The following ASXL3 variants were observed in gnomAD, a reference collection of about 807,000 sequenced individuals.
The protein encoded by ASXL3 is putative Polycomb group protein ASXL3.
Under a neutral mutation model 170.6 loss-of-function variants are expected in ASXL3, and 34 were observed. The ratio of observed to expected loss-of-function variants is 0.20; its 90% confidence interval spans 0.15 to 0.27. ASXL3 has a LOEUF of 0.27. Among genes scored for constraint, ASXL3 ranks in the 10% least tolerant of loss-of-function variants. ASXL3 has a pLI of 1.00. For missense variants in ASXL3, 2,592 were observed against 2,695.3 expected (o/e 0.96, Z 0.85); for synonymous variants, 1,002 against 989.1 (o/e 1.01, Z -0.24).
intron 5 of ASXL3, among the ~76,000 whole-genome samples, chr18:33,667,330 A>G (rs1210509016): frequency 1.3e-5 from 2 of 152,144 alleles, no homozygotes; most frequent in African/African-American, 4.8e-5. Context: ...TCCCAGTGAA[A>G]TTTCTGATTT....
Position 33,732,074 on chromosome 18 carries a change from T to A in ASXL3, c.976+10T>A, listed in dbSNP as rs2067458729. ...CAGCGACTGGCAGAAGGTAAATTTG[T>A]ATTTTCTATTATTATGTGACATATT... is the stretch of plus-strand genomic sequence containing the variant. On this transcript the variant is annotated intron_variant, in intron 9 of 11. Transcript: ENST00000269197. 1.2e-6 allele frequency: 2 copies of A among 1,601,574 alleles called. No individual in the cohort carries two copies. Among genetic ancestry groups the A allele is most frequent in the Admixed American group, 1.7e-5 (1 of 59,386 alleles).
intron 4 of ASXL3, among the ~76,000 whole-genome samples, chr18:33,650,183 G>A (rs2065975508): frequency 6.6e-6 from 1 of 152,136 alleles, no homozygotes. Flanking sequence ...TTGACAAGAT[G>A]TCATATTAGC....
intron 8 of ASXL3, among the ~76,000 whole-genome samples, chr18:33,700,731 A>G (rs2066858584): frequency 6.6e-6 from 1 of 152,096 alleles, no homozygotes; most frequent in Non-Finnish European, 1.5e-5. Context: ...TGGCTATAGA[A>G]TGGAACCATC....
intron 2 of ASXL3, among the ~76,000 whole-genome samples, chr18:33,631,435 G>A (rs2065675534): frequency 6.6e-6 from 1 of 151,946 alleles, no homozygotes; most frequent in East Asian, 1.9e-4. Flanking sequence ...CTTATATACT[G>A]CTGGTGAGAA....
chr18:33,626,229 C>G (rs1326987534), intron 2 of ASXL3, among the ~76,000 whole-genome samples: 1 of 152,000 alleles, frequency 6.6e-6, no homozygotes, highest in African/African-American at 2.4e-5. Flanking sequence ...GGTTTGAATT[C>G]TTTTTTGATT....
At chr18:33,668,895 A>AGC (rs1568316197) in intron 5 of ASXL3, among the ~76,000 whole-genome samples, 1 of 150,944 alleles carries the variant, frequency 6.6e-6, no homozygotes, top group African/African-American at 2.4e-5. Flanking sequence ...ACTCTAACCA[A>AGC]ACACACACAC....
chr18:33,704,837 A>C (rs1035246412), intron 8 of ASXL3, among the ~76,000 whole-genome samples: 1 of 151,932 alleles, frequency 6.6e-6, no homozygotes, highest in African/African-American at 2.4e-5. Flanking sequence ...TGAGTATAGA[A>C]AGGTTGTTTT....
intron 5 of ASXL3, among the ~76,000 whole-genome samples, chr18:33,665,152 G>A (rs1003859497): frequency 6.6e-5 from 10 of 152,138 alleles, no homozygotes; most frequent in Non-Finnish European, 1.5e-4. Context: ...GATAATTAAA[G>A]GTTAAAGAAG....
intron 8 of ASXL3, among the ~76,000 whole-genome samples, chr18:33,707,501 A>G (rs1033697259): frequency 7.1e-6 from 1 of 141,282 alleles, no homozygotes; most frequent in African/African-American, 2.7e-5. Flanking sequence ...ATTTTTGTTG[A>G]TATACAAATC....
chr18:33,726,298 T>C lies in ASXL3; in HGVS notation c.880-5670T>C, dbSNP rs375157303. ...CCTAACCATTTCACGCTGCCTCCAG[T>C]GCGGTTATCCCAGTCCAAGCTACTA... On this transcript the variant is annotated intron_variant, in intron 8 of 11. Coordinates refer to ENST00000269197, the MANE Select transcript of ASXL3 (RefSeq NM_030632.3). Among the ~76,000 whole-genome samples, 65 of 152,244 alleles carry C rather than the reference T, an allele frequency of 4.3e-4. No individual in the cohort carries two copies. In the Middle Eastern group the frequency reaches 0.01, roughly 24 times the overall value.
chr18:33,671,385 C>T (rs1389827821), intron 6 of ASXL3, among the ~76,000 whole-genome samples: 1 of 152,196 alleles, frequency 6.6e-6, no homozygotes. Context: ...TCCCTCTCTT[C>T]AAGATTCCTT....
At chr18:33,726,528 TA>T (rs1313559468) in intron 8 of ASXL3, among the ~76,000 whole-genome samples, 1 of 152,186 alleles carries the variant, frequency 6.6e-6, no homozygotes, top group African/African-American at 2.4e-5. Flanking sequence ...AAAGAGAATG[TA>T]AAATATCTCA....
At chr18:33,581,472 AGTGT>A (rs150752638) in intron 1 of ASXL3, among the ~76,000 whole-genome samples, 141 of 145,282 alleles carry the variant, frequency 9.7e-4, no homozygotes, top group Admixed American at 2.4e-3. Flanking sequence ...TGCTGGAGTG[AGTGT>A]GTGTGTGTGT....
Position 33,744,785 on chromosome 18 carries a change from A to C in ASXL3, c.4937A>C (p.His1646Pro), listed in dbSNP as rs758802240. The change falls in exon 12 of 12, where the codon CAT becomes CCT. Residue 1646 changes from histidine (H) to proline (P), a missense_variant. Around this residue, in one of 4 missense-constraint regions of ASXL3, gnomAD observed 2,246 missense variants for 2,219.6 expected, o/e 1.01. Coordinates refer to ENST00000269197, the MANE Select transcript of ASXL3 (RefSeq NM_030632.3). ...QSCPKAIKTE[H>P]ANYLNVSELH... ...TGTCCAAAGGCTATCAAAACTGAAC[A>C]TGCCAACTACTTGAACGTGTCAGAA... 1 of 1,614,046 alleles carries C rather than the reference A, an allele frequency of 6.2e-7. No homozygotes were observed.
At chr18:33,682,727 T>G (rs1375552121) in intron 7 of ASXL3, among the ~76,000 whole-genome samples, 2 of 152,100 alleles carry the variant, frequency 1.3e-5, no homozygotes, top group Non-Finnish European at 2.9e-5. Flanking sequence ...AAAAAAATTT[T>G]TGTGTGTGCA....
At chr18:33,727,161 A>T (rs1487486082) in intron 8 of ASXL3, among the ~76,000 whole-genome samples, 1 of 151,906 alleles carries the variant, frequency 6.6e-6, no homozygotes, top group Admixed American at 6.6e-5. Flanking sequence ...AATGAAATCT[A>T]GATTGCTTAG....
At chr18:33,730,771 C>G (rs2067429372) in intron 8 of ASXL3, among the ~76,000 whole-genome samples, 1 of 152,110 alleles carries the variant, frequency 6.6e-6, no homozygotes, top group African/African-American at 2.4e-5. Context: ...ATACAAGTGC[C>G]CTGCACATAG....
chr18:33,599,254 G>A (rs1250153056), intron 1 of ASXL3, among the ~76,000 whole-genome samples: 1 of 152,106 alleles, frequency 6.6e-6, no homozygotes, highest in Non-Finnish European at 1.5e-5. Context: ...TCAGGAAGAT[G>A]CATATGTTAG....
chr18:33,603,520 T>C (rs560959846), intron 1 of ASXL3, among the ~76,000 whole-genome samples: 36 of 152,120 alleles, frequency 2.4e-4, no homozygotes, highest in African/African-American at 8.4e-4. Context: ...TATATGTCTT[T>C]GAGATAGGCC....
Sources: allele counts gnomAD v4.1 joint callset (sites outside exome capture counted in the v4.1 genomes callset), GRCh38; gene constraint gnomAD v4.1.1; regional missense constraint gnomAD v4.1.1; transcripts MANE v1.5; gene names NCBI Gene and HGNC (gene_info 2026-07-23, HGNC 2026-07-21).